Variants in TRIM66 observed in about 807,000 individuals in gnomAD.
TRIM66 encodes the protein tripartite motif containing 66.
In TRIM66, 99 loss-of-function variants were observed where a neutral mutation model predicts 148.2. That is an observed-to-expected ratio of 0.67 (90% CI 0.57 to 0.79). TRIM66 has a LOEUF of 0.79. Ranked by LOEUF, TRIM66 falls within the 30% of genes least tolerant of loss-of-function variation. TRIM66 has a pLI of 0.00. For missense variants in TRIM66, 1,666 were observed against 1,697.9 expected (o/e 0.98, Z 0.33); for synonymous variants, 616 against 635.9 (o/e 0.97, Z 0.47).
intron 15 of TRIM66, among the ~76,000 whole-genome samples, chr11:8,636,120 A>T (rs2035856055): frequency 6.6e-6 from 1 of 151,998 alleles, no homozygotes; most frequent in Non-Finnish European, 1.5e-5. Flanking sequence ...TGCATGTCTG[A>T]CATCCATGGC....
intron 6 of TRIM66, among the ~76,000 whole-genome samples, chr11:8,664,476 C>T (rs1489301433): frequency 6.6e-6 from 1 of 152,108 alleles, no homozygotes; most frequent in East Asian, 1.9e-4. Context: ...TAGTTGTTAA[C>T]CTTAGTCTAT....
chr11:8,654,008 A>ATC (rs2037594732), intron 6 of TRIM66, among the ~76,000 whole-genome samples: 1 of 152,158 alleles, frequency 6.6e-6, no homozygotes, highest in Non-Finnish European at 1.5e-5. Flanking sequence ...TGACCTCCTC[A>ATC]TCTACAGCAG....
rs766255520 is a variant in TRIM66 at position 8,615,507 on chromosome 11, A to G, written c.*2437T>C. The G allele has an allele frequency of 1.3e-5, 2 of 152,142 alleles. No individual in the cohort carries two copies. The highest frequency in any genetic ancestry group is 1.5e-5 in the Non-Finnish European group (1 of 68,018). 9.4% of individuals were successfully genotyped at this position (152,142 alleles called of 1,614,324 possible). A position where few individuals can be genotyped will look rare whatever the true frequency, so the allele number is the denominator to read the frequency against. ...ATGTTAATGAAGAGCCTCTGCAGGC[A>G]GTCACTTGGCTAGTAGGATTTTTTT... On this transcript the variant is annotated 3_prime_UTR_variant, in exon 25 of 25. Coordinates refer to ENST00000646038, the MANE Select transcript of TRIM66 (RefSeq NM_001388022.1).
At position 8,638,625 on chromosome 11, in the gene TRIM66, T is replaced by C. The variant is rs1383158318; in HGVS notation, c.2310+29A>G. 6 of 1,542,246 alleles carry C rather than the reference T, an allele frequency of 3.9e-6. No individual in the cohort carries two copies. In the Admixed American group the frequency reaches 6.2e-5, roughly 16 times the overall value. ...GTCTTGGCTGGCAGTGGGTCCCATG[T>C]AGTTAGGGAAAACAGGCTCCTTCAG... is the stretch of plus-strand genomic sequence containing the variant. On this transcript the variant is annotated intron_variant, in intron 15 of 24. Transcript: ENST00000646038.
chr11:8,648,318 C>T lies in TRIM66; in HGVS notation c.725+98G>A. ...CCCAGGGGCTGCAGGTTGGCTTGGG[C>T]AGGGAGAAGATTCTGATGCACGGGG... is the stretch of plus-strand genomic sequence containing the variant. On this transcript the variant is annotated intron_variant, in intron 9 of 24. Coordinates refer to ENST00000646038, the MANE Select transcript of TRIM66 (RefSeq NM_001388022.1). The T allele has an allele frequency of 2.0e-6, 3 of 1,492,364 alleles. No individual in the cohort carries two copies. In the South Asian group the frequency reaches 4.0e-5, roughly 20 times the overall value. 92.4% of individuals were successfully genotyped at this position (1,492,364 alleles called of 1,614,324 possible).
chr11:8,649,566 G>A (rs780610742), intron 8 of TRIM66, among the ~76,000 whole-genome samples, 174 bp downstream of exon 8: 5 of 152,334 alleles, frequency 3.3e-5, no homozygotes, highest in South Asian at 2.1e-4. Context: ...AGGGAGGGAC[G>A]AGAGTGAGTC....
chr11:8,670,410 T>C (rs775393014), intron 6 of TRIM66, among the ~76,000 whole-genome samples: 2 of 152,202 alleles, frequency 1.3e-5, no homozygotes, highest in African/African-American at 2.4e-5. Flanking sequence ...ATGTACTCAA[T>C]CTTTAGTTTC....
At chr11:8,643,204 A>G in intron 12 of TRIM66, 78 bp from the exon 13 acceptor site, 1 of 1,263,172 alleles carries the variant, frequency 7.9e-7, no homozygotes, top group Non-Finnish European at 1.1e-6. Context: ...CTCTTTGGAC[A>G]AGCTGAAAGG....
chr11:8,643,483 G>C (rs1247763463), intron 12 of TRIM66, among the ~76,000 whole-genome samples: 1 of 151,940 alleles, frequency 6.6e-6, no homozygotes, highest in Non-Finnish European at 1.5e-5. Context: ...AGGACTACAG[G>C]TGCCCGCCAC....
chr11:8,661,316 ACC>A (rs2038237710), intron 6 of TRIM66, among the ~76,000 whole-genome samples: 1 of 152,202 alleles, frequency 6.6e-6, no homozygotes, highest in Admixed American at 6.5e-5. Flanking sequence ...GCTCCTAGGA[ACC>A]ACCTGGCTGT....
At position 8,682,647 on chromosome 11, in the gene TRIM66, A is replaced by G. The variant is rs760463376; in HGVS notation, c.-594T>C. 6.6e-6 allele frequency: 5 copies of G among 753,150 alleles called. No individual in the cohort carries two copies. The highest frequency in any genetic ancestry group is 1.2e-5 in the Non-Finnish European group (5 of 427,010). 46.7% of individuals were successfully genotyped at this position (753,150 alleles called of 1,614,324 possible). ...GGACACTCCGTGATGGGGGATCACC[A>G]CCCTCAGAAAGAGGAAGCGACTAGC... is the stretch of plus-strand genomic sequence containing the variant. On this transcript the variant is annotated 5_prime_UTR_variant, in exon 1 of 25. Coordinates refer to ENST00000646038, the MANE Select transcript of TRIM66 (RefSeq NM_001388022.1).
rs748681376 is a variant in TRIM66, at chr11:8,671,919, T to C, written c.207A>G (p.Ser69=). Residue 69 remains serine, a synonymous_variant, in exon 6 of 25, where the codon TCA becomes TCG. Coordinates refer to ENST00000646038, the MANE Select transcript of TRIM66 (RefSeq NM_001388022.1). ...TACCTGGCAGGTCCTGATGGCACAA[T>C]GAGCAGGTCATTACCATGGCCTCCA... ...GQMEAMVMTC[S]LCHQDLPGMG... is the part of the protein sequence containing the mutation. 1.0e-5 allele frequency: 16 copies of C among 1,536,024 alleles called. No individual in the cohort carries two copies. Among genetic ancestry groups the C allele is most frequent in the African/African-American group, 1.4e-5 (1 of 73,042 alleles).
In TRIM66 at chr11:8,615,521, T is replaced by C. The variant is rs1011918719; in HGVS notation, c.*2423A>G. 6.6e-6 allele frequency: 1 copy of C among 151,948 alleles called. No homozygotes were observed. Among genetic ancestry groups the C allele is most frequent in the Non-Finnish European group, 1.5e-5 (1 of 67,998 alleles). The allele number at this position is 151,948 out of a possible 1,614,324, so 9.4% of individuals were successfully genotyped here. A position where few individuals can be genotyped will look rare whatever the true frequency, so the allele number is the denominator to read the frequency against. On this transcript the variant is annotated 3_prime_UTR_variant, in exon 25 of 25. Coordinates refer to ENST00000646038, the MANE Select transcript of TRIM66 (RefSeq NM_001388022.1). Reference sequence around the variant, plus strand: ...CCTCTGCAGGCAGTCACTTGGCTAGTAGGATTTTTTTTTTTTTAATTTCTA... The same window carrying C: ...CCTCTGCAGGCAGTCACTTGGCTAGCAGGATTTTTTTTTTTTTAATTTCTA...
At chr11:8,670,660 C>A in intron 6 of TRIM66, among the ~76,000 whole-genome samples, 1 of 151,414 alleles carries the variant, frequency 6.6e-6, no homozygotes. Context: ...AATCAAAGGC[C>A]CTTTAAATGG....
At chr11:8,641,341 T>G (rs1026435222) in intron 13 of TRIM66, among the ~76,000 whole-genome samples, 189 bp from the exon 14 acceptor site, 1 of 152,186 alleles carries the variant, frequency 6.6e-6, no homozygotes, top group African/African-American at 2.4e-5. Flanking sequence ...ATGCACCTGC[T>G]TTGGGGGCCT....
In TRIM66 at chr11:8,617,054, T is replaced by A. The variant is rs1391251089; in HGVS notation, c.*890A>T. 1.3e-5 allele frequency: 2 copies of A among 152,192 alleles called. No individual in the cohort carries two copies. Among genetic ancestry groups the A allele is most frequent in the African/African-American group, 4.8e-5 (2 of 41,420 alleles). The allele number at this position is 152,192 out of a possible 1,614,324, so 9.4% of individuals were successfully genotyped here. A position where few individuals can be genotyped will look rare whatever the true frequency, so the allele number is the denominator to read the frequency against. ...CAGTATTCACAAGCAGAACTCACGA[T>A]CCATACCTCTGAATGAGGATGATGA... On this transcript the variant is annotated 3_prime_UTR_variant, in exon 25 of 25. Transcript: ENST00000646038.
chr11:8,655,516 C>A (rs7941510), intron 6 of TRIM66, among the ~76,000 whole-genome samples: 43,069 of 151,966 alleles, frequency 0.28, 6,678 homozygotes, highest in East Asian at 0.6. Flanking sequence ...GGCACGGTGG[C>A]TCATGCCTGT....
chr11:8,681,005 T>G (rs1292362565), intron 1 of TRIM66: 1 of 152,206 alleles, frequency 6.6e-6, no homozygotes, highest in Non-Finnish European at 1.5e-5. Flanking sequence ...AAGAGCAATT[T>G]CACTGAAGTC....
At chr11:8,651,272 T>A (rs112051004) in intron 7 of TRIM66, among the ~76,000 whole-genome samples, 19 of 152,122 alleles carry the variant, frequency 1.2e-4, no homozygotes, top group African/African-American at 4.3e-4. Flanking sequence ...ATTAGTAAAT[T>A]ACTAATTTAC....
Sources: allele counts gnomAD v4.1 joint callset (sites outside exome capture counted in the v4.1 genomes callset), GRCh38; gene constraint gnomAD v4.1.1; transcripts MANE v1.5; gene names NCBI Gene and HGNC (gene_info 2026-07-23, HGNC 2026-07-21).